The following CELF1 variants were observed in gnomAD, a reference collection of about 807,000 sequenced individuals.
CELF1 encodes CUGBP Elav-like family member 1, also known as 50 kDa nuclear polyadenylated RNA-binding protein.
CELF1 carries 10 observed loss-of-function variants against 61.8 expected under a neutral mutation model. The observed-to-expected ratio is 0.16, with a 90% CI of 0.10 to 0.27. The LOEUF (loss-of-function observed/expected upper bound fraction) is 0.27. Ranked by LOEUF, CELF1 falls within the 10% of genes least tolerant of loss-of-function variation. The pLI is 1.00. For missense variants in CELF1, 380 were observed against 639.1 expected, an observed-to-expected ratio of 0.59 and a Z score of 4.37; for synonymous variants, 236 against 225.1, an observed-to-expected ratio of 1.05 and a Z score of -0.43.
chr11:47,502,746 C>T (rs2094072895), intron 1 of CELF1, among the ~76,000 whole-genome samples: 1 of 152,078 alleles, frequency 6.6e-6, no homozygotes, highest in Non-Finnish European at 1.5e-5. Flanking sequence ...GCAGGAGAAT[C>T]ACTTGAACCC....
chr11:47,540,496 T>C (rs2096745518), intron 1 of CELF1, among the ~76,000 whole-genome samples: 1 of 152,158 alleles, frequency 6.6e-6, no homozygotes, highest in South Asian at 2.1e-4. Context: ...AGCTGACAAA[T>C]GTCAAACAGT....
At position 47,473,173 on chromosome 11, in the gene CELF1, G is replaced by A. The variant is rs749396102; in HGVS notation, c.1332C>T (p.Asp444=). The change falls in exon 14 of 15, where the codon GAC becomes GAT. Residue 444 remains aspartate, a synonymous_variant. Transcript: ENST00000687097. ...CAAAGGGCATAAACATCTGCAGCAG[G>A]TCCTGATCACCAAACTCCTGGGGCA... The part of the protein sequence containing the change: ...YHLPQEFGDQ[D]LLQMFMPFGN... The A allele has an allele frequency of 1.9e-6, 3 of 1,614,124 alleles. No individual in the cohort carries two copies. Among genetic ancestry groups the A allele is most frequent in the Middle Eastern group, 1.6e-4 (1 of 6,062 alleles).
chr11:47,487,628 AG>A (rs1412877272), intron 4 of CELF1, among the ~76,000 whole-genome samples: 1 of 152,242 alleles, frequency 6.6e-6, no homozygotes, highest in African/African-American at 2.4e-5. Flanking sequence ...GTAGTCTACC[AG>A]GAACTCTTTC....
chr11:47,489,795 A>C (rs2090047645), intron 3 of CELF1, among the ~76,000 whole-genome samples: 1 of 152,134 alleles, frequency 6.6e-6, no homozygotes, highest in African/African-American at 2.4e-5. Context: ...TGTACTTGTA[A>C]TTCTCCTATT....
At position 47,477,440 on chromosome 11, in the gene CELF1, G is replaced by T. The variant is rs1327965380; in HGVS notation, c.845-15C>A. The T allele has an allele frequency of 6.2e-7, 1 of 1,612,256 alleles. No individual in the cohort carries two copies. Among genetic ancestry groups the T allele is most frequent in the Admixed American group, 1.7e-5 (1 of 59,794 alleles). ...TGCATTCAACCCTACAACATCCAAA[G>T]CAAGAGATTAGCCAGCAGATAAGGG... On this transcript the variant is annotated splice_polypyrimidine_tract_variant and intron_variant, in intron 10 of 14. Coordinates refer to ENST00000687097, the MANE Select transcript of CELF1 (RefSeq NM_001376376.1).
rs1211144812 is a variant in CELF1 at position 47,468,033 on chromosome 11, TTAG to T, written c.*4194_*4196del. On this transcript the variant is annotated 3_prime_UTR_variant, in exon 15 of 15. Transcript: ENST00000687097. ...GCAAAACTTTTTTCTGGGCATAATCTTAGTAGGAAAGGAAAAAATTCAAAACAA... is the reference window on the plus strand; with the variant it reads ...GCAAAACTTTTTTCTGGGCATAATCTTAGGAAAGGAAAAAATTCAAAACAA... 4.6e-5 allele frequency: 7 copies of T among 151,928 alleles called. No individual in the cohort carries two copies. The highest frequency in any genetic ancestry group is 8.8e-5 in the Non-Finnish European group (6 of 67,998). 9.4% of individuals were successfully genotyped at this position (151,928 alleles called of 1,614,324 possible). A position where few individuals can be genotyped will look rare whatever the true frequency, so the allele number is the denominator to read the frequency against.
intron 1 of CELF1, among the ~76,000 whole-genome samples, chr11:47,539,766 T>A (rs186735150): frequency 6.6e-6 from 1 of 152,338 alleles, no homozygotes; most frequent in Non-Finnish European, 1.5e-5. Flanking sequence ...AGATTTTTGC[T>A]CTGCATGTGG....
intron 1 of CELF1, among the ~76,000 whole-genome samples, chr11:47,514,692 CAA>C (rs34636337): frequency 4.7e-5 from 5 of 106,066 alleles, no homozygotes; most frequent in African/African-American, 3.9e-5. Context: ...CCTATCTCTA[CAA>C]AAAAAAAAAA....
At chr11:47,475,013 T>C (rs762829624) in intron 13 of CELF1, among the ~76,000 whole-genome samples, 1 of 152,226 alleles carries the variant, frequency 6.6e-6, no homozygotes, top group Non-Finnish European at 1.5e-5. Flanking sequence ...CTGATAGATT[T>C]GTAATCTGTA....
intron 1 of CELF1, among the ~76,000 whole-genome samples, chr11:47,552,014 A>T (rs1457367777): frequency 3.9e-5 from 5 of 127,794 alleles, no homozygotes; most frequent in Non-Finnish European, 6.6e-5. Flanking sequence ...ACTCCGTCTT[A>T]AAAAAAAAAA....
At chr11:47,474,520 CTTTCA>C (rs945748766) in intron 13 of CELF1, among the ~76,000 whole-genome samples, 2 of 152,236 alleles carry the variant, frequency 1.3e-5, no homozygotes, top group Middle Eastern at 3.2e-3. Context: ...ACACCTCATG[CTTTCA>C]TTTATTTATT....
chr11:47,486,018 G>T (rs1003035035), intron 6 of CELF1, among the ~76,000 whole-genome samples: 1 of 140,268 alleles, frequency 7.1e-6, no homozygotes, highest in African/African-American at 2.6e-5. Context: ...AAAATTAGCC[G>T]GGCGTGGTGG....
At chr11:47,473,525 G>A (rs2153368395) in intron 13 of CELF1, among the ~76,000 whole-genome samples, 1 of 152,274 alleles carries the variant, frequency 6.6e-6, no homozygotes, top group South Asian at 2.1e-4. Context: ...GTGTGGAGCA[G>A]GAAAACAGAG....
intron 9 of CELF1, among the ~76,000 whole-genome samples, chr11:47,482,236 C>T (rs1232944015): frequency 7.4e-6 from 1 of 134,438 alleles, no homozygotes; most frequent in South Asian, 2.5e-4. Flanking sequence ...ATAAATAAAG[C>T]AAAAAAAGAA....
At chr11:47,472,473 G>T in intron 14 of CELF1, 116 bp from the exon 15 acceptor site, 1 of 1,150,416 alleles carries the variant, frequency 8.7e-7, no homozygotes, top group Non-Finnish European at 1.3e-6. Context: ...TATTCAGCAG[G>T]GACAAGAAAT....
At chr11:47,482,449 C>A in intron 9 of CELF1, 1 of 314,730 alleles carries the variant, frequency 3.2e-6, no homozygotes, top group Non-Finnish European at 5.7e-6. Flanking sequence ...AACGGGAAAC[C>A]AGGAATTCAC....
intron 1 of CELF1, among the ~76,000 whole-genome samples, chr11:47,536,901 G>A (rs977894385): frequency 6.6e-6 from 1 of 152,202 alleles, no homozygotes; most frequent in African/African-American, 2.4e-5. Context: ...GAAAGGGGAA[G>A]TAGGAAGGAC....
At chr11:47,548,209 G>C (rs2097029169) in intron 1 of CELF1, among the ~76,000 whole-genome samples, 2 of 152,046 alleles carry the variant, frequency 1.3e-5, no homozygotes, top group Admixed American at 1.3e-4. Context: ...TGAGGTAGGA[G>C]AATCGCTTGA....
chr11:47,531,902 G>T (rs1009551346), intron 1 of CELF1, among the ~76,000 whole-genome samples: 4 of 152,116 alleles, frequency 2.6e-5, no homozygotes, highest in Admixed American at 1.3e-4. Flanking sequence ...CCAAGTTCTA[G>T]GGTTTAGGCA....
Sources: allele counts gnomAD v4.1 joint callset (sites outside exome capture counted in the v4.1 genomes callset), GRCh38; gene constraint gnomAD v4.1.1; transcripts MANE v1.5; gene names NCBI Gene and HGNC (gene_info 2026-07-23, HGNC 2026-07-21).